Variants in MGAT4C observed in about 807,000 individuals in gnomAD.
The protein encoded by MGAT4C is alpha-1,3-mannosyl-glycoprotein 4-beta-N-acetylglucosaminyltransferase C.
MGAT4C carries 19 observed loss-of-function variants against 40.1 expected under a neutral mutation model. That is an observed-to-expected ratio of 0.47 (90% CI 0.33 to 0.70). The LOEUF is 0.70. Ranked by LOEUF, MGAT4C falls within the 30% of genes least tolerant of loss-of-function variation. The pLI, the probability that MGAT4C is intolerant of heterozygous loss-of-function variation, is 0.02. For missense variants in MGAT4C, 491 were observed against 563.2 expected, an observed-to-expected ratio of 0.87 and a Z score of 1.30; for synonymous variants, 181 against 187.1, an observed-to-expected ratio of 0.97 and a Z score of 0.27.
chr12:86,483,976 C>CA (rs1009222207), intron 2 of MGAT4C, among the ~76,000 whole-genome samples: 1 of 151,534 alleles, frequency 6.6e-6, no homozygotes, highest in Non-Finnish European at 1.5e-5. Flanking sequence ...GGCTAAAGAG[C>CA]AAAAAAGCAT....
At chr12:86,158,843 G>A (rs546121246) in intron 1 of MGAT4C, among the ~76,000 whole-genome samples, 8 of 152,156 alleles carry the variant, frequency 5.3e-5, no homozygotes, top group East Asian at 1.9e-4. Context: ...CAGCCTAGAC[G>A]GTGTTAGTGT....
intron 3 of MGAT4C, among the ~76,000 whole-genome samples, chr12:86,425,326 C>T (rs905064096): frequency 7.2e-5 from 11 of 152,076 alleles, no homozygotes; most frequent in African/African-American, 2.7e-4. Flanking sequence ...GGGTGTTTAC[C>T]TCATGATGTT....
rs1473591177 is a variant in MGAT4C at position 85,969,892 on chromosome 12, A to C, written c.*9397T>G. The C allele has an allele frequency of 6.6e-6, 1 of 151,498 alleles. No homozygotes were observed. The highest frequency in any genetic ancestry group is 1.5e-5 in the Non-Finnish European group (1 of 67,540). The allele number at this position is 151,498 out of a possible 1,614,324, so 9.4% of individuals were successfully genotyped here. On this transcript the variant is annotated 3_prime_UTR_variant, in exon 5 of 5. Transcript: ENST00000611864. The stretch of plus-strand genomic sequence containing the variant: ...CTTATATGGTTGTTTAATCTATTAA[A>C]TAGACAGTGAAATGCACATGAAATC...
intron 2 of MGAT4C, among the ~76,000 whole-genome samples, chr12:86,635,050 T>G (rs1963176666): frequency 6.6e-6 from 1 of 152,064 alleles, no homozygotes; most frequent in Non-Finnish European, 1.5e-5. Flanking sequence ...CTTAGAAAAA[T>G]TTTCTAGTAT....
chr12:86,709,729 A>T (rs1166155433), intron 2 of MGAT4C, among the ~76,000 whole-genome samples: 1 of 152,088 alleles, frequency 6.6e-6, no homozygotes, highest in Non-Finnish European at 1.5e-5. Flanking sequence ...ATTTTAAAAT[A>T]AGTATTTCTA....
intron 3 of MGAT4C, among the ~76,000 whole-genome samples, chr12:86,400,338 T>C (rs1217659329): frequency 6.6e-6 from 1 of 152,188 alleles, no homozygotes; most frequent in Non-Finnish European, 1.5e-5. Flanking sequence ...AGTATTAGGA[T>C]TTTTACTAAA....
rs1474151851 is a variant in MGAT4C, at chr12:85,967,476, A to T, written c.*11813T>A. 1 of 152,148 alleles carries T rather than the reference A, an allele frequency of 6.6e-6. No individual in the cohort carries two copies. Among genetic ancestry groups the T allele is most frequent in the Non-Finnish European group, 1.5e-5 (1 of 68,004 alleles). The allele number at this position is 152,148 out of a possible 1,614,324, so 9.4% of individuals were successfully genotyped here. On this transcript the variant is annotated 3_prime_UTR_variant, in exon 5 of 5. Coordinates refer to ENST00000611864, the MANE Select transcript of MGAT4C (RefSeq NM_001351288.2). ...TCAGCAAGGTTTATACAGAGAAAAT[A>T]AGTAATACAAATTAGTTTTCCAGAA... is the stretch of plus-strand genomic sequence containing the variant.
chr12:86,054,029 A>G (rs1183633406), intron 1 of MGAT4C, among the ~76,000 whole-genome samples: 1 of 151,976 alleles, frequency 6.6e-6, no homozygotes, highest in Non-Finnish European at 1.5e-5. Context: ...GGAAAACAGT[A>G]TGATAGTTTC....
At chr12:86,591,563 A>C (rs1270021161) in intron 2 of MGAT4C, among the ~76,000 whole-genome samples, 1 of 151,972 alleles carries the variant, frequency 6.6e-6, no homozygotes, top group Non-Finnish European at 1.5e-5. Flanking sequence ...CTAAGGTCCC[A>C]AAACAAATAT....
At chr12:86,678,664 G>A (rs1949913991) in intron 2 of MGAT4C, among the ~76,000 whole-genome samples, 2 of 145,386 alleles carry the variant, frequency 1.4e-5, no homozygotes, top group African/African-American at 5.1e-5. Flanking sequence ...CCACCTATGA[G>A]TGAGAATATG....
intron 2 of MGAT4C, among the ~76,000 whole-genome samples, chr12:86,674,978 C>T (rs1377670593): frequency 6.6e-6 from 1 of 152,138 alleles, no homozygotes; most frequent in Non-Finnish European, 1.5e-5. Flanking sequence ...TTTCCCCAAA[C>T]ACAATTAACC....
At position 86,722,772 on chromosome 12, in the gene MGAT4C, GT is replaced by G. The variant is rs990752679; in HGVS notation, c.-229+4436del. Among the ~76,000 whole-genome samples the G allele has an allele frequency of 2.8e-4, 42 of 152,092 alleles. 1 individual carries two copies. The highest frequency in any genetic ancestry group is 9.9e-4 in the African/African-American group (41 of 41,414). On this transcript the variant is annotated intron_variant, in intron 2 of 7. Coordinates refer to the MGAT4C transcript ENST00000548651. ...AAAACAAAAGCAGTTACCTAATTTG[GT>G]TTATTCACACACCTCAAAAATTAAC...
At chr12:86,784,430 A>G (rs1302085454) in intron 1 of MGAT4C, among the ~76,000 whole-genome samples, 3 of 152,084 alleles carry the variant, frequency 2.0e-5, no homozygotes. Flanking sequence ...GGCAAGCAAA[A>G]AGGGAATGTC....
At chr12:86,796,604 G>C (rs917068986) in intron 1 of MGAT4C, among the ~76,000 whole-genome samples, 4 of 151,926 alleles carry the variant, frequency 2.6e-5, no homozygotes, top group Non-Finnish European at 5.9e-5. Context: ...AAATTCAAGA[G>C]AGCTATTGTA....
intron 1 of MGAT4C, among the ~76,000 whole-genome samples, chr12:86,793,571 G>A (rs2136195267): frequency 6.6e-6 from 1 of 152,088 alleles, no homozygotes; most frequent in Admixed American, 6.5e-5. Flanking sequence ...ATAAAATAGA[G>A]TTACAATTAC....
chr12:86,689,325 C>T (rs956274103), intron 2 of MGAT4C, among the ~76,000 whole-genome samples: 1 of 152,138 alleles, frequency 6.6e-6, no homozygotes, highest in East Asian at 1.9e-4. Flanking sequence ...TATTACCCAC[C>T]TTCTGAAGAC....
chr12:86,541,919 T>C (rs1959169900), intron 2 of MGAT4C, among the ~76,000 whole-genome samples: 1 of 152,200 alleles, frequency 6.6e-6, no homozygotes, highest in African/African-American at 2.4e-5. Flanking sequence ...TACCCTTTCC[T>C]TGTAGTTCAT....
At chr12:86,293,996 T>A (rs924811309) in intron 4 of MGAT4C, among the ~76,000 whole-genome samples, 3 of 152,164 alleles carry the variant, frequency 2.0e-5, no homozygotes, top group African/African-American at 7.2e-5. Flanking sequence ...TTGATTCTTT[T>A]GCTCTAACTC....
chr12:86,408,479 C>CTCTCTCTCTCTCTCTCTATA (rs1267344319), intron 3 of MGAT4C, among the ~76,000 whole-genome samples: 3 of 63,344 alleles, frequency 4.7e-5, no homozygotes, highest in African/African-American at 1.6e-4. Context: ...CTCTCTCTCT[C>CTCTCTCTCTCTCTCTCTATA]TATATATATA....
Sources: gnomAD v4.1 joint callset for allele counts (sites outside exome capture counted in the v4.1 genomes callset) on GRCh38, gnomAD v4.1.1 for gene constraint, MANE v1.5 for transcripts, NCBI Gene and HGNC (gene_info 2026-07-23, HGNC 2026-07-21) for gene names.